Variants in AGAP1 observed in about 807,000 individuals in gnomAD.
AGAP1 encodes ArfGAP with GTPase domain, ankyrin repeat and PH domain 1.
A neutral mutation model predicts 105.3 loss-of-function variants in AGAP1; 29 were observed. That is an observed-to-expected ratio of 0.28 (90% CI 0.21 to 0.38). AGAP1 has a LOEUF of 0.38. Among genes scored for constraint, AGAP1 ranks in the 10% least tolerant of loss-of-function variants. The probability of loss-of-function intolerance (pLI) is 1.00; values close to 1 mark genes in which losing one functional copy is unlikely to be tolerated. For synonymous variants in AGAP1, 509 were observed against 485.9 expected, an observed-to-expected ratio of 1.05 and a Z score of -0.63; for missense variants, 998 against 1,165.1, an observed-to-expected ratio of 0.86 and a Z score of 2.09.
intron 9 of AGAP1, among the ~76,000 whole-genome samples, chr2:235,881,311 A>T (rs191490478): frequency 3.3e-5 from 5 of 152,300 alleles, no homozygotes; most frequent in African/African-American, 1.2e-4. Context: ...TAGGAGGTCG[A>T]TGGAGGCTGG....
intron 16 of AGAP1, among the ~76,000 whole-genome samples, chr2:236,085,923 C>A (rs931651357): frequency 2.2e-4 from 33 of 152,258 alleles, no homozygotes; most frequent in Non-Finnish European, 4.4e-4. Context: ...GTGGGTTCAT[C>A]TGGCTGCCAG....
intron 1 of AGAP1, among the ~76,000 whole-genome samples, chr2:235,592,347 C>T (rs1945374126): frequency 6.6e-6 from 1 of 150,700 alleles, no homozygotes; most frequent in Admixed American, 6.6e-5. Flanking sequence ...GTAGATGAGC[C>T]ATGTTCTGGG....
In AGAP1 at chr2:236,114,639, T is replaced by C. The variant is rs3768922; in HGVS notation, c.2115-5553T>C. Among the ~76,000 whole-genome samples the C allele has an allele frequency of 0.43, 65,469 of 151,916 alleles. 14,387 individuals carry two copies. Among genetic ancestry groups the C allele is most frequent in the Middle Eastern group, 0.53 (157 of 294 alleles). ...CTGTGTCCTGCCTTTCCTCCGGGTG[T>C]GCTCAGAGGGAGAGAGACATCACCA... is the stretch of plus-strand genomic sequence containing the variant. On this transcript the variant is annotated intron_variant, in intron 16 of 17. Coordinates refer to ENST00000304032, the MANE Select transcript of AGAP1 (RefSeq NM_001037131.3). The surrounding 1 kb of genome is among the most constrained non-coding windows in gnomAD (Gnocchi z 5.0).
intron 8 of AGAP1, among the ~76,000 whole-genome samples, chr2:235,805,900 A>G (rs567010104): frequency 3.9e-5 from 6 of 152,334 alleles, no homozygotes; most frequent in Non-Finnish European, 5.9e-5. Flanking sequence ...TAGGTGTTCA[A>G]TAAGCATCAG....
chr2:235,531,110 C>T (rs894615556), intron 1 of AGAP1, among the ~76,000 whole-genome samples: 3 of 152,152 alleles, frequency 2.0e-5, no homozygotes, highest in African/African-American at 4.8e-5. Flanking sequence ...TGCACGTGTC[C>T]GCAAATCTAG....
chr2:235,807,099 T>C, intron 8 of AGAP1, 140 bp from the exon 9 acceptor site: 2 of 722,972 alleles, frequency 2.8e-6, no homozygotes, highest in South Asian at 1.8e-5. Context: ...AGCTGTCTGC[T>C]CGTCGGACGT....
rs536286206 is a variant in AGAP1, at chr2:235,557,217, G to A, written c.163+62368G>A. 1.2e-4 allele frequency among the ~76,000 whole-genome samples: 19 copies of A among 152,186 alleles called. No individual in the cohort carries two copies. The highest frequency in any genetic ancestry group is 1.8e-4 in the Non-Finnish European group (12 of 67,996). On this transcript the variant is annotated intron_variant, in intron 1 of 17. Transcript: ENST00000304032. The surrounding 1 kb of genome is among the most constrained non-coding windows in gnomAD (Gnocchi z 4.7). ...CCTGGGAGGTGAAGCCCTGGGAACT[G>A]CCACTTGGAATGAGAGGGGAAGGCT...
chr2:235,779,439 G>T (rs1956121122), intron 6 of AGAP1, among the ~76,000 whole-genome samples: 1 of 152,216 alleles, frequency 6.6e-6, no homozygotes, highest in Non-Finnish European at 1.5e-5. Flanking sequence ...ACCTTAGTCT[G>T]TCTGGTCACC....
chr2:235,807,911 G>A (rs1957922585), intron 9 of AGAP1, among the ~76,000 whole-genome samples: 1 of 152,104 alleles, frequency 6.6e-6, no homozygotes, highest in Admixed American at 6.6e-5. Context: ...CTGTAATGTG[G>A]GGCCTTAATT....
chr2:235,628,176 A>G (rs1946704257), intron 1 of AGAP1, among the ~76,000 whole-genome samples: 1 of 152,102 alleles, frequency 6.6e-6, no homozygotes, highest in South Asian at 2.1e-4. Flanking sequence ...GGGAGAAGGC[A>G]GGGCCAGCCC....
intron 6 of AGAP1, among the ~76,000 whole-genome samples, chr2:235,756,124 C>T (rs903158780): frequency 1.3e-5 from 2 of 152,114 alleles, no homozygotes; most frequent in Non-Finnish European, 2.9e-5. Flanking sequence ...ACTGTCGTTC[C>T]CTGCAGTTAG....
intron 1 of AGAP1, among the ~76,000 whole-genome samples, chr2:235,681,497 C>T (rs1949071446): frequency 2.0e-5 from 3 of 152,178 alleles, no homozygotes; most frequent in Admixed American, 2.0e-4. Flanking sequence ...TGCCCCAACA[C>T]AGCCGACAGG....
At chr2:236,013,524 C>T (rs1357077354) in intron 13 of AGAP1, among the ~76,000 whole-genome samples, 3 of 152,184 alleles carry the variant, frequency 2.0e-5, no homozygotes, top group African/African-American at 7.2e-5. Flanking sequence ...CTTTGGGAAC[C>T]AGAGGGCCAG....
rs375110513 is a variant in AGAP1 at position 235,867,572 on chromosome 2, T to TGTGTGTGTGTGTGC, written c.1051-15770_1051-15769insTGTGTGTGTGCGTG. 0.018 allele frequency among the ~76,000 whole-genome samples: 2,640 copies of TGTGTGTGTGTGTGC among 148,358 alleles called. 39 individuals carry two copies. The highest frequency in any genetic ancestry group is 0.026 in the Non-Finnish European group (1,735 of 66,982). Reference sequence around the variant, plus strand: ...GTGTGTGTGTGTGTGTGTGTGTGTGTGTGCAAGTGAGGGAGGGTGACCCCC... The same window carrying TGTGTGTGTGTGTGC: ...GTGTGTGTGTGTGTGTGTGTGTGTGTGTGTGTGTGTGTGCGTGCAAGTGAGGGAGGGTGACCCCC... On this transcript the variant is annotated intron_variant, in intron 9 of 17. Coordinates refer to ENST00000304032, the MANE Select transcript of AGAP1 (RefSeq NM_001037131.3). This position sits in a 1 kb window ranked among gnomAD's most constrained non-coding sequence, Gnocchi z 5.4.
intron 16 of AGAP1, among the ~76,000 whole-genome samples, chr2:236,057,125 T>C (rs1163166377): frequency 6.6e-6 from 1 of 152,172 alleles, no homozygotes; most frequent in Non-Finnish European, 1.5e-5. Flanking sequence ...GACCTGACTT[T>C]TTTGGTGGCG....
chr2:235,935,056 G>A (rs532904119), intron 12 of AGAP1, among the ~76,000 whole-genome samples: 18 of 152,290 alleles, frequency 1.2e-4, no homozygotes, highest in African/African-American at 4.1e-4. Context: ...AGGAGGTGCT[G>A]CTTAAATTAA....
chr2:236,108,064 A>G (rs1358403299), intron 16 of AGAP1, among the ~76,000 whole-genome samples: 2 of 152,218 alleles, frequency 1.3e-5, no homozygotes, highest in African/African-American at 4.8e-5. Flanking sequence ...TACAGTGGCC[A>G]GCTTCTTAAA....
rs2055128459 is a variant in AGAP1 at position 235,982,233 on chromosome 2, G to A, written c.1645+13610G>A. ...AGTAAATCCATTTCTCACATTTAAA[G>A]AGAATCAAAGAGTCAGTAAACATGC... On this transcript the variant is annotated intron_variant, in intron 13 of 17. Coordinates refer to ENST00000304032, the MANE Select transcript of AGAP1 (RefSeq NM_001037131.3). This position sits in a 1 kb window ranked among gnomAD's most constrained non-coding sequence, Gnocchi z 4.9. Among the ~76,000 whole-genome samples, 1 of 152,172 alleles carries A rather than the reference G, an allele frequency of 6.6e-6. No homozygotes were observed. The highest frequency in any genetic ancestry group is 2.4e-5 in the African/African-American group (1 of 41,440).
chr2:235,658,014 C>T (rs1336692587), intron 1 of AGAP1, among the ~76,000 whole-genome samples: 1 of 151,812 alleles, frequency 6.6e-6, no homozygotes, highest in African/African-American at 2.4e-5. Context: ...GCCTTCTAGG[C>T]TCCAGAACTA....
Sources: allele counts gnomAD v4.1 joint callset (sites outside exome capture counted in the v4.1 genomes callset), GRCh38; gene constraint gnomAD v4.1.1; non-coding constraint Gnocchi (gnomAD v3.1); transcripts MANE v1.5; gene names NCBI Gene and HGNC (gene_info 2026-07-23, HGNC 2026-07-21).